Variants in RNF19A observed in about 807,000 individuals in gnomAD.
The protein encoded by RNF19A is E3 ubiquitin-protein ligase RNF19A.
RNF19A carries 32 observed loss-of-function variants against 75.7 expected under a neutral mutation model. That is an observed-to-expected ratio of 0.42 (90% CI 0.32 to 0.57). The LOEUF (loss-of-function observed/expected upper bound fraction) is 0.57, where lower values mean the gene tolerates loss of function less well. Ranked by LOEUF, RNF19A falls within the 20% of genes least tolerant of loss-of-function variation. The pLI, the probability that RNF19A is intolerant of heterozygous loss-of-function variation, is 0.10. For synonymous variants in RNF19A, 335 were observed against 345.2 expected, an observed-to-expected ratio of 0.97 and a Z score of 0.33; for missense variants, 782 against 1,036.3, an observed-to-expected ratio of 0.75 and a Z score of 3.37.
At chr8:100,306,510 T>C (rs1822067324) in intron 1 of RNF19A, among the ~76,000 whole-genome samples, 1 of 152,192 alleles carries the variant, frequency 6.6e-6, no homozygotes, top group African/African-American at 2.4e-5. Context: ...ATAAAAATAA[T>C]TCTTCAGGTG....
chr8:100,264,304 G>A lies in RNF19A; in HGVS notation c.1307-109C>T. 3 of 964,406 alleles carry A rather than the reference G, an allele frequency of 3.1e-6. No homozygotes were observed. The highest frequency in any genetic ancestry group is 4.5e-6 in the Non-Finnish European group (3 of 670,336). 59.7% of individuals were successfully genotyped at this position (964,406 alleles called of 1,614,324 possible). A position where few individuals can be genotyped will look rare whatever the true frequency, so the allele number is the denominator to read the frequency against. ...AGAGTCATACAGAGAAAAGCGCCAG[G>A]GTTCTGAAGAGTTGGCTGGAACATT... is the stretch of plus-strand genomic sequence containing the variant. On this transcript the variant is annotated intron_variant, in intron 6 of 9. Transcript: ENST00000341084. The surrounding 1 kb of genome is among the most constrained non-coding windows in gnomAD (Gnocchi z 4.7).
At chr8:100,311,722 A>G (rs1381952571), upstream of RNF19A, among the ~76,000 whole-genome samples, 2 of 70,580 alleles carry the variant, frequency 2.8e-5, no homozygotes, top group South Asian at 5.3e-4. Context: ...CGTCTCAAAA[A>G]AAAAAAAAAA....
At chr8:100,318,947 C>T (rs182827361) in intron 1 of RNF19A, among the ~76,000 whole-genome samples, 1 of 152,258 alleles carries the variant, frequency 6.6e-6, no homozygotes, top group African/African-American at 2.4e-5. Flanking sequence ...AGCACATGGC[C>T]CAGAGCAATC....
intron 1 of RNF19A, among the ~76,000 whole-genome samples, chr8:100,328,946 A>T (rs1381214332): frequency 6.6e-6 from 1 of 152,194 alleles, no homozygotes; most frequent in East Asian, 1.9e-4. Flanking sequence ...CTTCAGTTCC[A>T]CTAAGGATAC....
At chr8:100,304,662 C>G (rs1821992453) in intron 1 of RNF19A, among the ~76,000 whole-genome samples, 1 of 152,192 alleles carries the variant, frequency 6.6e-6, no homozygotes, top group African/African-American at 2.4e-5. Flanking sequence ...GGTTTAAAAT[C>G]TGGTGCTCAA....
At position 100,269,680 on chromosome 8, in the gene RNF19A, C is replaced by G. The variant is rs964667626; in HGVS notation, c.1028+189G>C. Among the ~76,000 whole-genome samples, 1 of 152,024 alleles carries G rather than the reference C, an allele frequency of 6.6e-6. No homozygotes were observed. The highest frequency in any genetic ancestry group is 1.5e-5 in the Non-Finnish European group (1 of 67,974). On this transcript the variant is annotated intron_variant, in intron 4 of 9. Coordinates refer to ENST00000341084, the MANE Select transcript of RNF19A (RefSeq NM_183419.4). This position sits in a 1 kb window ranked among gnomAD's most constrained non-coding sequence, Gnocchi z 5.7. Reference sequence around the variant, plus strand: ...TAACAAAAACAAAAAAAGGAAATATCCATTTCCTATTTTGACTAGTTATTA... The same window carrying G: ...TAACAAAAACAAAAAAAGGAAATATGCATTTCCTATTTTGACTAGTTATTA...
intron 1 of RNF19A, among the ~76,000 whole-genome samples, chr8:100,321,885 C>T (rs2130356476): frequency 6.6e-6 from 1 of 152,304 alleles, no homozygotes; most frequent in Middle Eastern, 3.4e-3. Flanking sequence ...TAGTTCTTAA[C>T]AGTGGCTTAA....
intron 1 of RNF19A, among the ~76,000 whole-genome samples, chr8:100,306,347 T>C (rs902447692): frequency 6.6e-6 from 1 of 152,190 alleles, no homozygotes; most frequent in Non-Finnish European, 1.5e-5. Context: ...GAGAGTTTCA[T>C]GTAACAAAAC....
At chr8:100,283,696 A>T (rs562414585) in intron 2 of RNF19A, among the ~76,000 whole-genome samples, 1 of 152,338 alleles carries the variant, frequency 6.6e-6, no homozygotes, top group South Asian at 2.1e-4. Flanking sequence ...ATGTTTAAGT[A>T]AAATTAATGT....
intron 2 of RNF19A, among the ~76,000 whole-genome samples, chr8:100,278,261 G>A (rs1192439709): frequency 6.6e-6 from 1 of 152,172 alleles, no homozygotes; most frequent in Non-Finnish European, 1.5e-5. Context: ...ACTTGTGCTT[G>A]ACTAATGACC....
chr8:100,313,237 C>G, upstream of RNF19A: 1 of 748,192 alleles, frequency 1.3e-6, no homozygotes, highest in South Asian at 6.0e-5. Flanking sequence ...ATGGTGCTTA[C>G]ATTGGGGGAT....
chr8:100,288,978 T>C (rs935891583), intron 1 of RNF19A, among the ~76,000 whole-genome samples: 2 of 148,908 alleles, frequency 1.3e-5, no homozygotes, highest in Non-Finnish European at 3.0e-5. Context: ...GAGAATGGCG[T>C]GAACCCGGGA....
chr8:100,300,788 T>C (rs1173092246), intron 1 of RNF19A: 2 of 152,198 alleles, frequency 1.3e-5, no homozygotes, highest in Non-Finnish European at 2.9e-5. Context: ...GAGACAGTAA[T>C]CCAAAGACTA....
chr8:100,263,271 G>A (rs1041731052), intron 7 of RNF19A, among the ~76,000 whole-genome samples: 4 of 152,014 alleles, frequency 2.6e-5, no homozygotes, highest in Non-Finnish European at 5.9e-5. Flanking sequence ...GGTAAGAAGT[G>A]GTTTCCCATA....
rs987138536 is a variant in RNF19A at position 100,332,889 on chromosome 8, T to A, written c.-243+3219A>T. ...TGTTTATATTTTGTGGAAATTAGCC[T>A]CTTTTCTATCATATGTGTTTCAATT... On this transcript the variant is annotated intron_variant, in intron 1 of 3. Transcript: ENST00000519527. The surrounding 1 kb of genome is among the most constrained non-coding windows in gnomAD (Gnocchi z 4.8). Among the ~76,000 whole-genome samples, 1 of 152,244 alleles carries A rather than the reference T, an allele frequency of 6.6e-6. No homozygotes were observed. The highest frequency in any genetic ancestry group is 1.5e-5 in the Non-Finnish European group (1 of 68,040).
chr8:100,310,840 C>G (rs180873432), upstream of RNF19A, among the ~76,000 whole-genome samples: 13 of 152,242 alleles, frequency 8.5e-5, no homozygotes, highest in East Asian at 2.1e-3. Flanking sequence ...TTTAATCCAG[C>G]TTTATTTGTT....
chr8:100,268,246 G>T (rs1461867381), intron 5 of RNF19A, among the ~76,000 whole-genome samples: 1 of 151,884 alleles, frequency 6.6e-6, no homozygotes, highest in African/African-American at 2.4e-5. Flanking sequence ...CTTAGCTAAT[G>T]AAATATAATT....
intron 5 of RNF19A, among the ~76,000 whole-genome samples, chr8:100,265,011 G>A (rs1247455590): frequency 6.6e-6 from 1 of 152,080 alleles, no homozygotes; most frequent in South Asian, 2.1e-4. Context: ...ATTTTACTTT[G>A]TGCTTAAAAG....
chr8:100,283,124 G>A (rs1054877741), intron 2 of RNF19A, among the ~76,000 whole-genome samples: 11 of 151,720 alleles, frequency 7.3e-5, no homozygotes, highest in African/African-American at 2.7e-4. Flanking sequence ...TTATGTCCCA[G>A]TATAATAAAT....
Sources: allele counts gnomAD v4.1 joint callset (sites outside exome capture counted in the v4.1 genomes callset), GRCh38; gene constraint gnomAD v4.1.1; non-coding constraint Gnocchi (gnomAD v3.1); transcripts MANE v1.5; gene names NCBI Gene and HGNC (gene_info 2026-07-23, HGNC 2026-07-21).